MED15: variants seen among roughly 807,000 people sequenced by gnomAD.
The protein encoded by MED15 is mediator complex subunit 15.
MED15 carries 41 observed loss-of-function variants against 118.7 expected under a neutral mutation model. The ratio of observed to expected loss-of-function variants is 0.35; its 90% confidence interval spans 0.27 to 0.45. The LOEUF (loss-of-function observed/expected upper bound fraction) is 0.45. MED15 is among the 20% of genes least tolerant of loss of function. The pLI is 1.00. For synonymous variants in MED15, 436 were observed against 413.9 expected (o/e 1.05, Z -0.65); for missense variants, 740 against 1,025.5 (o/e 0.72, Z 3.80).
intron 13 of MED15, chr22:20,583,748 A>C (rs1164749929): frequency 6.8e-6 from 2 of 295,602 alleles, no homozygotes; most frequent in Non-Finnish European, 1.3e-5. Context: ...CTTGCTGGTG[A>C]CCATGGGCAG....
At position 20,584,614 on chromosome 22, in the gene MED15, C is replaced by T. The variant is rs1220695300; in HGVS notation, c.1803+189C>T. The T allele has an allele frequency of 8.5e-6, 7 of 825,518 alleles. No homozygotes were observed. The Admixed American group carries it at 1.3e-4, about 15-fold the overall frequency. 51.1% of individuals were successfully genotyped at this position (825,518 alleles called of 1,614,324 possible). On this transcript the variant is annotated intron_variant, in intron 14 of 17. Coordinates refer to ENST00000263205, the MANE Select transcript of MED15 (RefSeq NM_001003891.3). ...GAACATGGGAGAAGTCACCCTCTGT[C>T]TACGGCCCCCGTGGGTGCCTCCTTC...
chr22:20,508,613 C>G (rs1430561844), intron 1 of MED15, among the ~76,000 whole-genome samples: 2 of 151,916 alleles, frequency 1.3e-5, no homozygotes, highest in Non-Finnish European at 2.9e-5. Context: ...AGTACATTCT[C>G]AAGGGTGGGG....
In MED15 at chr22:20,553,294, G is replaced by A. The variant is rs375334630; in HGVS notation, c.238+120G>A. 4.3e-4 allele frequency: 460 copies of A among 1,064,354 alleles called. 2 individuals carry two copies. The African/African-American group carries it at 6.7e-3, about 16-fold the overall frequency. The allele number at this position is 1,064,354 out of a possible 1,614,324, so 65.9% of individuals were successfully genotyped here. A position where few individuals can be genotyped will look rare whatever the true frequency, so the allele number is the denominator to read the frequency against. ...CTGTCACTAGAGGAGAATGCTTGCG[G>A]AGAGAACTCTGGAGGGAGGAGGCTG... On this transcript the variant is annotated intron_variant, in intron 4 of 17. Transcript: ENST00000263205.
At chr22:20,541,699 G>C (rs918480385) in intron 2 of MED15, among the ~76,000 whole-genome samples, 39 of 150,050 alleles carry the variant, frequency 2.6e-4, no homozygotes, top group African/African-American at 9.4e-4. Context: ...CGCCAGGCTA[G>C]AGTGCAGTGG....
chr22:20,572,092 G>T (rs1043467675), intron 8 of MED15, among the ~76,000 whole-genome samples: 3 of 152,096 alleles, frequency 2.0e-5, no homozygotes, highest in Admixed American at 1.3e-4. Context: ...AATAATTTCC[G>T]ATTTTTTGCT....
Position 20,568,639 on chromosome 22 carries a change from C to T in MED15, c.1152+8C>T, listed in dbSNP as rs201038715. ...GTGGCTCCCGGAGTCCAGGTGAGGG[C>T]CTGGGGGTGGAGGGCTCCATAGTCA... On this transcript the variant is annotated splice_region_variant and intron_variant, in intron 8 of 17. Transcript: ENST00000263205. The T allele has an allele frequency of 8.9e-5, 143 of 1,612,034 alleles. 3 individuals are homozygous for T. The African/African-American group carries it at 1.7e-3, about 19-fold the overall frequency.
intron 9 of MED15, among the ~76,000 whole-genome samples, chr22:20,581,016 C>A (rs1006063048): frequency 6.6e-6 from 1 of 152,222 alleles, no homozygotes; most frequent in African/African-American, 2.4e-5. Flanking sequence ...TGGGAACAGT[C>A]CATTCCATCG....
chr22:20,548,810 A>T (rs921179147), intron 2 of MED15, among the ~76,000 whole-genome samples: 1 of 151,986 alleles, frequency 6.6e-6, no homozygotes, highest in African/African-American at 2.4e-5. Flanking sequence ...AATTCTATGA[A>T]GCTTTTAACT....
intron 1 of MED15, chr22:20,508,552 T>C: frequency 2.1e-6 from 1 of 472,658 alleles, no homozygotes; most frequent in African/African-American, 2.0e-5. Context: ...TTTGGGAAGG[T>C]AATGGAAAAT....
chr22:20,541,119 G>A (rs1257104795), intron 2 of MED15, among the ~76,000 whole-genome samples: 1 of 152,048 alleles, frequency 6.6e-6, no homozygotes, highest in Non-Finnish European at 1.5e-5. Context: ...GGCGCCTGTA[G>A]TCCCAGCTAC....
chr22:20,510,222 C>T (rs2054015666), intron 1 of MED15, among the ~76,000 whole-genome samples: 1 of 152,060 alleles, frequency 6.6e-6, no homozygotes, highest in South Asian at 2.1e-4. Context: ...CCTATCTCTA[C>T]TAAAAATCCA....
intron 2 of MED15, among the ~76,000 whole-genome samples, chr22:20,546,501 AGTTTTTTTT>A (rs2055542836): frequency 9.0e-6 from 1 of 110,520 alleles, no homozygotes; most frequent in Non-Finnish European, 1.9e-5. Flanking sequence ...CGTTACATGG[AGTTTTTTTT>A]GTTTTTTTTT....
intron 9 of MED15, chr22:20,582,404 C>A (rs1056717181): frequency 6.9e-5 from 53 of 764,320 alleles, no homozygotes; most frequent in African/African-American, 1.6e-4. Context: ...CTGCCTGGGC[C>A]CCCCCCGCCA....
chr22:20,584,314 T>A (rs1379377469), intron 13 of MED15, 45 bp from the exon 14 acceptor site: 2 of 1,595,280 alleles, frequency 1.3e-6, no homozygotes, highest in East Asian at 4.5e-5. Flanking sequence ...GCCTGAGAAC[T>A]GCCATGTCTT....
rs561322020 is a variant in MED15, at chr22:20,520,478, C to G, written c.68+12732C>G. ...GAGGGAGAAGTCCCTGCCAAGTGCTCTGTAGTAGGCATTCAGGCCAACCAA... is the reference window on the plus strand; with the variant it reads ...GAGGGAGAAGTCCCTGCCAAGTGCTGTGTAGTAGGCATTCAGGCCAACCAA... On this transcript the variant is annotated intron_variant, in intron 1 of 17. Transcript: ENST00000263205. 2.6e-5 allele frequency among the ~76,000 whole-genome samples: 4 copies of G among 152,354 alleles called. No homozygotes were observed. In the South Asian group the frequency reaches 6.2e-4, roughly 24 times the overall value.
intron 2 of MED15, chr22:20,550,974 T>C (rs1401124731): frequency 1.1e-5 from 4 of 361,446 alleles, no homozygotes; most frequent in Non-Finnish European, 2.2e-5. Flanking sequence ...TACTGCGTCA[T>C]CAGTGAAAAG....
Position 20,507,824 on chromosome 22 carries a change from C to G in MED15, c.68+78C>G, listed in dbSNP as rs1202502905. ...TGGCGGGCGAGGCCAGGGCCGGACCCGTGAGAAACCTACGGCGCCGGGAGA... is the reference window on the plus strand; with the variant it reads ...TGGCGGGCGAGGCCAGGGCCGGACCGGTGAGAAACCTACGGCGCCGGGAGA... On this transcript the variant is annotated intron_variant, in intron 1 of 17. Transcript: ENST00000263205. 2.5e-5 allele frequency: 40 copies of G among 1,585,578 alleles called. No individual in the cohort carries two copies. The Admixed American group carries it at 5.7e-4, about 23-fold the overall frequency.
At position 20,566,562 on chromosome 22, in the gene MED15, G is replaced by C; in HGVS notation, c.786G>C (p.Gln262His). ...AGCAGCAGCAGCAGCAGCAGCAGCAGGCTTTGCAGGCCCAGCCACCAATTC... is the reference window on the plus strand; with the variant it reads ...AGCAGCAGCAGCAGCAGCAGCAGCACGCTTTGCAGGCCCAGCCACCAATTC... ...QQQQQQQQQQQALQAQPPIQQ... is the reference protein window; with the variant it reads ...QQQQQQQQQQHALQAQPPIQQ... Residue 262 changes from glutamine (Q) to histidine (H), a missense_variant, in exon 7 of 18, where the codon CAG becomes CAC. By Grantham distance (24) the Gln-to-His change is conservative. Coordinates refer to ENST00000263205, the MANE Select transcript of MED15 (RefSeq NM_001003891.3). The C allele has an allele frequency of 6.2e-7, 1 of 1,613,516 alleles. No individual in the cohort carries two copies. The highest frequency in any genetic ancestry group is 8.5e-7 in the Non-Finnish European group (1 of 1,179,854).
intron 2 of MED15, among the ~76,000 whole-genome samples, chr22:20,540,315 A>T (rs2055245904): frequency 6.6e-6 from 1 of 152,220 alleles, no homozygotes; most frequent in African/African-American, 2.4e-5. Flanking sequence ...TAAAATTTTA[A>T]ATACATAAAT....
Sources: gnomAD v4.1 joint callset for allele counts (sites outside exome capture counted in the v4.1 genomes callset) on GRCh38, gnomAD v4.1.1 for gene constraint, MANE v1.5 for transcripts, NCBI Gene and HGNC (gene_info 2026-07-23, HGNC 2026-07-21) for gene names.